The following DTX4 variants were observed in gnomAD, a reference collection of about 807,000 sequenced individuals.
The protein encoded by DTX4 is deltex E3 ubiquitin ligase 4, also known as E3 ubiquitin-protein ligase DTX4.
In DTX4, 28 loss-of-function variants were observed where a neutral mutation model predicts 57.6. That is an observed-to-expected ratio of 0.49 (90% CI 0.36 to 0.67). DTX4 has a LOEUF of 0.67. Ranked by LOEUF, DTX4 falls within the 30% of genes least tolerant of loss-of-function variation. The pLI is 0.00. For synonymous variants in DTX4, 316 were observed against 331.0 expected (o/e 0.95, Z 0.49); for missense variants, 715 against 836.8 (o/e 0.85, Z 1.80).
intron 5 of DTX4, among the ~76,000 whole-genome samples, chr11:59,191,647 T>G (rs75145602): frequency 0.059 from 9,002 of 152,256 alleles, 397 homozygotes; most frequent in Non-Finnish European, 0.084. Flanking sequence ...CAGCAAAGAA[T>G]TGTCCTCCCC....
chr11:59,184,263 C>T (rs1047159938), intron 2 of DTX4, among the ~76,000 whole-genome samples: 2 of 152,168 alleles, frequency 1.3e-5, no homozygotes, highest in East Asian at 1.9e-4. Context: ...GGTAAGAACC[C>T]GTCCTCCAGA....
upstream of DTX4, among the ~76,000 whole-genome samples, chr11:59,171,966 C>A (rs947210570): frequency 2.0e-5 from 3 of 152,092 alleles, no homozygotes; most frequent in Admixed American, 2.0e-4. Context: ...GGGAAACACA[C>A]GCGGGCGCGG....
At chr11:59,177,859 C>T (rs1362938396) in intron 1 of DTX4, among the ~76,000 whole-genome samples, 2 of 152,166 alleles carry the variant, frequency 1.3e-5, no homozygotes, top group African/African-American at 4.8e-5. Context: ...ATCATTACTT[C>T]ATTTATTGAA....
chr11:59,194,866 T>A (rs573035827), intron 6 of DTX4: 2 of 298,754 alleles, frequency 6.7e-6, no homozygotes, highest in South Asian at 7.0e-5. Flanking sequence ...GCTCTCCAGG[T>A]CTTTCTGTCT....
At position 59,199,185 on chromosome 11, in the gene DTX4, G is replaced by A. The variant is rs143949289; in HGVS notation, c.1537-499G>A. Among the ~76,000 whole-genome samples the A allele has an allele frequency of 2.0e-5, 3 of 152,332 alleles. No homozygotes were observed. In the East Asian group the frequency reaches 5.8e-4, roughly 29 times the overall value. ...CTTGGAGGCACTTTCTTTATTCTGA[G>A]TAGTTAAAAATCCAGAGTGTGCCTC... On this transcript the variant is annotated intron_variant, in intron 7 of 8. Transcript: ENST00000227451.
rs551272689 is a variant in DTX4 at position 59,173,150 on chromosome 11, G to A, written c.211+344G>A. ...ATTCTAGGGCCGCCCCAGACTACAG[G>A]CAATCCCAGCCCTTCGCAAAGGCTT... On this transcript the variant is annotated intron_variant, in intron 1 of 8. Transcript: ENST00000227451. 5.3e-5 allele frequency among the ~76,000 whole-genome samples: 8 copies of A among 152,272 alleles called. No homozygotes were observed. In the South Asian group the frequency reaches 8.3e-4, roughly 16 times the overall value.
At chr11:59,182,572 T>C in intron 2 of DTX4, 110 bp downstream of exon 2, 1 of 1,388,134 alleles carries the variant, frequency 7.2e-7, no homozygotes, top group Non-Finnish European at 9.5e-7. Context: ...TCTCATCTTG[T>C]GCTGACCCCT....
At chr11:59,181,714 C>A (rs1310549264) in intron 1 of DTX4, 25 bp from the exon 2 acceptor site, 1 of 1,570,136 alleles carries the variant, frequency 6.4e-7, no homozygotes, top group Admixed American at 1.8e-5. Flanking sequence ...CTGACTCTGA[C>A]CTCTCCCCTA....
intron 8 of DTX4, among the ~76,000 whole-genome samples, chr11:59,203,925 A>G (rs1378502644): frequency 6.6e-6 from 1 of 152,232 alleles, no homozygotes; most frequent in Non-Finnish European, 1.5e-5. Flanking sequence ...CCTCTCCTCC[A>G]GCCCATACCA....
chr11:59,182,578 C>A (rs553174493), intron 2 of DTX4, 116 bp downstream of exon 2: 165 of 1,369,170 alleles, frequency 1.2e-4, no homozygotes, highest in Non-Finnish European at 1.5e-4. Flanking sequence ...CTTGTGCTGA[C>A]CCCTGGCTGC....
Position 59,172,706 on chromosome 11 carries a change from C to T in DTX4, c.111C>T (p.Gly37=), listed in dbSNP as rs533506336. 1.0e-5 allele frequency: 16 copies of T among 1,601,454 alleles called. No individual in the cohort carries two copies. Among genetic ancestry groups the T allele is most frequent in the South Asian group, 2.2e-5 (2 of 89,662 alleles). The change falls in exon 1 of 9, where the codon GGC becomes GGT. Residue 37 remains glycine, a synonymous_variant. Transcript: ENST00000227451. The stretch of plus-strand genomic sequence containing the variant: ...ACATCGAGGCGGTGGTCCGCGCCGG[C>T]CCCCGCGCGGGGGGCAGCGTGGTGC... ...SHHIEAVVRA[G]PRAGGSVVLG...
At chr11:59,195,902 C>T (rs182565146) in intron 7 of DTX4, among the ~76,000 whole-genome samples, 5 of 152,290 alleles carry the variant, frequency 3.3e-5, no homozygotes, top group African/African-American at 4.8e-5. Context: ...CTTTGTCAAA[C>T]GGTATTTGCA....
rs779827794 is a variant in DTX4, at chr11:59,181,892, C to T, written c.365C>T (p.Pro122Leu). 2.5e-6 allele frequency: 4 copies of T among 1,613,986 alleles called. No individual in the cohort carries two copies. The highest frequency in any genetic ancestry group is 1.1e-5 in the South Asian group (1 of 91,090). Residue 122 changes from proline to leucine, a missense_variant, in exon 2 of 9, where the codon CCC (proline) becomes CTC (leucine). Physicochemically the swap from Pro to Leu is moderately conservative, Grantham distance 98. Transcript: ENST00000227451. ...CAGCATGCCTATGAGAAGCAGCACC[C>T]CTGGATCGACCTCACTTCCATTGGC... ...TIQHAYEKQH[P>L]WIDLTSIGFS...
intron 7 of DTX4, among the ~76,000 whole-genome samples, chr11:59,199,220 G>T (rs765777773): frequency 3.3e-5 from 5 of 151,946 alleles, no homozygotes; most frequent in African/African-American, 4.8e-5. Flanking sequence ...CAGGAAACCT[G>T]GGCTTCAATT....
In DTX4 at chr11:59,207,573, A is replaced by G. The variant is rs1265010690; in HGVS notation, c.*2664A>G. The G allele has an allele frequency of 2.6e-5, 4 of 152,674 alleles. No homozygotes were observed. Among genetic ancestry groups the G allele is most frequent in the African/African-American group, 9.6e-5 (4 of 41,452 alleles). 9.5% of individuals were successfully genotyped at this position (152,674 alleles called of 1,614,324 possible). On this transcript the variant is annotated 3_prime_UTR_variant, in exon 9 of 9. Coordinates refer to ENST00000227451, the MANE Select transcript of DTX4 (RefSeq NM_015177.2). ...GTCTTGTGCCAACCTGGAAAGGTGC[A>G]GTCTAGATTTCAGTGAGAACCCTGC... is the stretch of plus-strand genomic sequence containing the variant.
chr11:59,175,968 T>C (rs762182200), intron 1 of DTX4, among the ~76,000 whole-genome samples: 7 of 152,028 alleles, frequency 4.6e-5, no homozygotes, highest in African/African-American at 1.2e-4. Context: ...CCTCCCATCA[T>C]GCAGATCAAC....
At chr11:59,192,786 TC>T (rs1862616220) in intron 6 of DTX4, among the ~76,000 whole-genome samples, 1 of 152,196 alleles carries the variant, frequency 6.6e-6, no homozygotes, top group South Asian at 2.1e-4. Context: ...CACCTGGTAA[TC>T]CCTGCCCTAG....
chr11:59,174,757 C>T (rs1482622817), intron 1 of DTX4, among the ~76,000 whole-genome samples: 1 of 152,158 alleles, frequency 6.6e-6, no homozygotes, highest in African/African-American at 2.4e-5. Context: ...TCACTCTTAC[C>T]TGAGGACTGC....
chr11:59,181,372 T>C (rs954147239), intron 1 of DTX4, among the ~76,000 whole-genome samples: 4 of 152,196 alleles, frequency 2.6e-5, no homozygotes, highest in Non-Finnish European at 4.4e-5. Flanking sequence ...GAAGGAGTTA[T>C]CCTGTTTCCC....
Sources: allele counts gnomAD v4.1 joint callset (sites outside exome capture counted in the v4.1 genomes callset), GRCh38; gene constraint gnomAD v4.1.1; transcripts MANE v1.5; gene names NCBI Gene and HGNC (gene_info 2026-07-23, HGNC 2026-07-21).